USP13: variants seen among roughly 807,000 people sequenced by gnomAD.
USP13 encodes the protein ubiquitin carboxyl-terminal hydrolase 13.
USP13 carries 68 observed loss-of-function variants against 107.8 expected under a neutral mutation model. The ratio of observed to expected loss-of-function variants is 0.63; its 90% confidence interval spans 0.52 to 0.77. The LOEUF is 0.77. Among genes scored for constraint, USP13 ranks in the 30% least tolerant of loss-of-function variants. USP13 has a pLI of 0.00. For synonymous variants in USP13, 377 were observed against 389.5 expected, an observed-to-expected ratio of 0.97 and a Z score of 0.38; for missense variants, 945 against 1,093.3, an observed-to-expected ratio of 0.86 and a Z score of 1.91.
intron 2 of USP13, among the ~76,000 whole-genome samples, chr3:179,688,166 CGT>C (rs1711954995): frequency 8.1e-5 from 11 of 136,116 alleles, no homozygotes; most frequent in African/African-American, 2.7e-4. Context: ...TCCATCCATC[CGT>C]ATATCCATCC....
At chr3:179,665,432 C>T (rs910255855) in intron 1 of USP13, among the ~76,000 whole-genome samples, 9 of 152,122 alleles carry the variant, frequency 5.9e-5, no homozygotes, top group African/African-American at 1.9e-4. Flanking sequence ...GTTATAGTTA[C>T]GATTTTGCCC....
At chr3:179,764,440 A>G (rs1003723903) in intron 18 of USP13, among the ~76,000 whole-genome samples, 1 of 152,192 alleles carries the variant, frequency 6.6e-6, no homozygotes, top group Admixed American at 6.5e-5. Context: ...GTTTGTTAAC[A>G]GGGGGTCAGA....
chr3:179,742,270 A>G lies in USP13; in HGVS notation c.1454A>G (p.Gln485Arg). 4 of 1,614,260 alleles carry G rather than the reference A, an allele frequency of 2.5e-6. No individual in the cohort carries two copies. Residue 485 changes from glutamine (Q) to arginine (R), a missense_variant, in exon 12 of 21, where the codon CAG (glutamine) becomes CGG (arginine). Coordinates refer to ENST00000263966, the MANE Select transcript of USP13 (RefSeq NM_003940.3). The surrounding 1 kb of genome is among the most constrained non-coding windows in gnomAD (Gnocchi z 5.0). ...GTGGAAGAACGCATTCAGTGCTGTCAGACCCGGAAAGTCCGCTACACGGAG... is the reference window on the plus strand; with the variant it reads ...GTGGAAGAACGCATTCAGTGCTGTCGGACCCGGAAAGTCCGCTACACGGAG... Reference protein sequence around the residue: ...FLVEERIQCCQTRKVRYTERV... With the variant: ...FLVEERIQCCRTRKVRYTERV...
chr3:179,721,445 G>A lies in USP13; in HGVS notation c.944G>A (p.Ser315Asn), dbSNP rs779637109. 1.9e-6 allele frequency: 3 copies of A among 1,614,072 alleles called. No homozygotes were observed. Among genetic ancestry groups the A allele is most frequent in the Non-Finnish European group, 1.7e-6 (2 of 1,180,034 alleles). Reference sequence around the variant, plus strand: ...GACAATGACATCAAGCTGAGGGTCAGTGAGTGGGAAGTGATCCAGGAGTCG... The same window carrying A: ...GACAATGACATCAAGCTGAGGGTCAATGAGTGGGAAGTGATCCAGGAGTCG... ...LQDNDIKLRVSEWEVIQESGT... is the reference protein window; with the variant it reads ...LQDNDIKLRVNEWEVIQESGT... The change falls in exon 8 of 21, where the codon AGT becomes AAT. Residue 315 changes from serine (S) to asparagine (N), a missense_variant. Ser to Asn is a conservative substitution (Grantham distance 46, BLOSUM62 1). Transcript: ENST00000263966. This position sits in a 1 kb window ranked among gnomAD's most constrained non-coding sequence, Gnocchi z 4.3.
intron 10 of USP13, among the ~76,000 whole-genome samples, chr3:179,739,789 C>G (rs1204016618): frequency 6.6e-6 from 1 of 152,154 alleles, no homozygotes; most frequent in African/African-American, 2.4e-5. Context: ...AAACTCCTGA[C>G]CTCAGGTGAT....
intron 11 of USP13, among the ~76,000 whole-genome samples, chr3:179,741,170 G>C (rs972143324): frequency 2.6e-5 from 4 of 151,664 alleles, no homozygotes; most frequent in Non-Finnish European, 5.9e-5. Context: ...TTAATGCCAC[G>C]CCCTGCAGCC....
Position 179,787,166 on chromosome 3 carries a change from G to A in USP13, c.*3025G>A, listed in dbSNP as rs1342222420. ...AAGAGAATGTGCCTGACATTTCCCA[G>A]TGCTTACTTTGGGCTATAGGAAGTC... On this transcript the variant is annotated 3_prime_UTR_variant, in exon 21 of 21. Coordinates refer to ENST00000263966, the MANE Select transcript of USP13 (RefSeq NM_003940.3). The A allele has an allele frequency of 1.3e-5, 2 of 152,204 alleles. No homozygotes were observed. The highest frequency in any genetic ancestry group is 1.9e-4 in the East Asian group (1 of 5,190). 9.4% of individuals were successfully genotyped at this position (152,204 alleles called of 1,614,324 possible). A position where few individuals can be genotyped will look rare whatever the true frequency, so the allele number is the denominator to read the frequency against.
chr3:179,725,848 C>A (rs971542610), intron 8 of USP13, among the ~76,000 whole-genome samples: 5 of 152,106 alleles, frequency 3.3e-5, no homozygotes, highest in African/African-American at 1.2e-4. Context: ...AGATACTAAA[C>A]AAGATGTATT....
At chr3:179,655,879 A>G (rs1720245082) in intron 1 of USP13, among the ~76,000 whole-genome samples, 1 of 152,154 alleles carries the variant, frequency 6.6e-6, no homozygotes, top group Non-Finnish European at 1.5e-5. Flanking sequence ...ATGTAACACT[A>G]TACTATGAAT....
intron 8 of USP13, 58 bp from the exon 9 acceptor site, chr3:179,730,131 T>C (rs1387262381): frequency 1.3e-6 from 2 of 1,505,264 alleles, no homozygotes; most frequent in Non-Finnish European, 1.8e-6. Flanking sequence ...TGATGGCTTG[T>C]TTTGGTTCTG....
chr3:179,660,792 C>G (rs1560039398), intron 1 of USP13, among the ~76,000 whole-genome samples: 1 of 152,316 alleles, frequency 6.6e-6, no homozygotes, highest in South Asian at 2.1e-4. Context: ...AATTTCAGAG[C>G]AGACAGACTT....
chr3:179,658,242 C>CTGCACCTGGCCAACTGATTTCCTT (rs1720345155), intron 1 of USP13, among the ~76,000 whole-genome samples: 1 of 152,214 alleles, frequency 6.6e-6, no homozygotes, highest in South Asian at 2.1e-4. Flanking sequence ...GCGGGAGCCA[C>CTGCACCTGGCCAACTGATTTCCTT]TGCACCTGGC....
chr3:179,706,178 G>A (rs893164455), intron 4 of USP13, among the ~76,000 whole-genome samples: 1 of 152,180 alleles, frequency 6.6e-6, no homozygotes, highest in Non-Finnish European at 1.5e-5. Context: ...CTACTGAACT[G>A]TTTTCCAAAG....
At chr3:179,654,216 A>AG in intron 1 of USP13, among the ~76,000 whole-genome samples, 1 of 151,416 alleles carries the variant, frequency 6.6e-6, no homozygotes, top group African/African-American at 2.4e-5. Context: ...TCCGTCTCAA[A>AG]AAAAAAAAAA....
At chr3:179,754,209 C>T (rs1232238696) in intron 14 of USP13, among the ~76,000 whole-genome samples, 1 of 151,600 alleles carries the variant, frequency 6.6e-6, no homozygotes, top group East Asian at 1.9e-4. Context: ...CCATAAGACT[C>T]AGAGTAGCAC....
At chr3:179,690,188 A>T in intron 2 of USP13, 53 bp from the exon 3 acceptor site, 1 of 1,553,006 alleles carries the variant, frequency 6.4e-7, no homozygotes, top group Non-Finnish European at 8.8e-7. Context: ...TTTCCCTCAC[A>T]AAGATGTTTA....
Position 179,750,326 on chromosome 3 carries a change from G to GTATATATATATA in USP13, c.1710-1951_1710-1940dup, listed in dbSNP as rs569602060. Among the ~76,000 whole-genome samples, 108 of 75,842 alleles carry GTATATATATATA rather than the reference G, an allele frequency of 1.4e-3. 1 individual carries two copies. The highest frequency in any genetic ancestry group is 5.4e-3 in the East Asian group (7 of 1,302). The allele number at this position is 75,842 out of a possible 152,430, so 49.8% of individuals were successfully genotyped here. ...TGTGTATATATATATATATATGTGTGTATATATATATATATATATGTATAT... is the reference window on the plus strand; with the variant it reads ...TGTGTATATATATATATATATGTGTGTATATATATATATATATATATATATATATATGTATAT... On this transcript the variant is annotated intron_variant, in intron 13 of 20. Transcript: ENST00000263966.
chr3:179,726,209 C>T (rs1441478106), intron 8 of USP13, among the ~76,000 whole-genome samples: 1 of 151,984 alleles, frequency 6.6e-6, no homozygotes, highest in Non-Finnish European at 1.5e-5. Flanking sequence ...GAGGCAGCAT[C>T]CCAGGAAAAA....
intron 17 of USP13, among the ~76,000 whole-genome samples, chr3:179,762,553 C>G (rs1715044081): frequency 6.6e-6 from 1 of 152,056 alleles, no homozygotes; most frequent in African/African-American, 2.4e-5. Flanking sequence ...TGCCCTCCAG[C>G]CTGGGCAACA....
Sources: gnomAD v4.1 joint callset for allele counts (sites outside exome capture counted in the v4.1 genomes callset) on GRCh38, gnomAD v4.1.1 for gene constraint, Gnocchi (gnomAD v3.1) non-coding constraint, MANE v1.5 for transcripts, NCBI Gene and HGNC (gene_info 2026-07-23, HGNC 2026-07-21) for gene names.